Variants in SKA3 observed in about 807,000 individuals in gnomAD.
SKA3 encodes the protein spindle and kinetochore associated complex subunit 3, also known as spindle and kinetochore-associated protein 3.
SKA3 carries 39 observed loss-of-function variants against 44.2 expected under a neutral mutation model. That is an observed-to-expected ratio of 0.88 (90% CI 0.68 to 1.15). The LOEUF (loss-of-function observed/expected upper bound fraction) is 1.15. Among genes scored for constraint, SKA3 ranks in the 50% most tolerant of loss-of-function variants. The pLI, the probability that SKA3 is intolerant of heterozygous loss-of-function variation, is 0.00. For synonymous variants in SKA3, 192 were observed against 172.0 expected, an observed-to-expected ratio of 1.12 and a Z score of -0.91; for missense variants, 511 against 485.8, an observed-to-expected ratio of 1.05 and a Z score of -0.49.
At chr13:21,171,771 G>A (rs1214763567) in intron 3 of SKA3, among the ~76,000 whole-genome samples, 3 of 152,110 alleles carry the variant, frequency 2.0e-5, no homozygotes, top group African/African-American at 7.2e-5. Context: ...ACAAGGTTAA[G>A]TAACTTGACA....
intron 3 of SKA3, among the ~76,000 whole-genome samples, chr13:21,168,614 C>T (rs1870868770): frequency 6.6e-6 from 1 of 152,132 alleles, no homozygotes; most frequent in African/African-American, 2.4e-5. Context: ...GCAGCCTCGA[C>T]CTCCTGGGCT....
chr13:21,173,553 A>G (rs1871208125), intron 1 of SKA3, among the ~76,000 whole-genome samples: 1 of 152,190 alleles, frequency 6.6e-6, no homozygotes, highest in African/African-American at 2.4e-5. Flanking sequence ...CACTGCACCC[A>G]GCCACCTTAC....
Position 21,160,004 on chromosome 13 carries a change from ATGGTCATT to A in SKA3, c.830-25_830-18del. The A allele has an allele frequency of 8.5e-7, 1 of 1,173,812 alleles. No homozygotes were observed. 72.7% of individuals were successfully genotyped at this position (1,173,812 alleles called of 1,614,324 possible). On this transcript the variant is annotated intron_variant, in intron 5 of 8. Transcript: ENST00000314759. ...ATTCGGCATCTAAAAGACACATAAA[ATGGTCATT>A]AAAAAACTATAACTATAGTATGCTT...
rs1000426098 is a variant in SKA3, at chr13:21,173,776, A to C, written c.104-1095T>G. On this transcript the variant is annotated intron_variant, in intron 1 of 8. Coordinates refer to ENST00000314759, the MANE Select transcript of SKA3 (RefSeq NM_145061.6). ...TGTTGAAACACTTTGGATTGTGCCT[A>C]GTTTGGAATTATTATGAATACTCTT... Among the ~76,000 whole-genome samples the C allele has an allele frequency of 7.2e-4, 110 of 152,316 alleles. 1 individual carries two copies. The highest frequency in any genetic ancestry group is 2.1e-3 in the African/African-American group (89 of 41,556).
chr13:21,176,534 A>G lies in SKA3; in HGVS notation c.-57T>C. Reference sequence around the variant, plus strand: ...ACGCAGACCCCACCGCTCAGCTCACAGCCTCCCGCCACTAGTTTGAATCTC... The same window carrying G: ...ACGCAGACCCCACCGCTCAGCTCACGGCCTCCCGCCACTAGTTTGAATCTC... On this transcript the variant is annotated 5_prime_UTR_variant, in exon 1 of 9. Coordinates refer to ENST00000314759, the MANE Select transcript of SKA3 (RefSeq NM_145061.6). The G allele has an allele frequency of 1.0e-6, 1 of 1,001,818 alleles. No individual in the cohort carries two copies. The allele number at this position is 1,001,818 out of a possible 1,614,324, so 62.1% of individuals were successfully genotyped here. A position where few individuals can be genotyped will look rare whatever the true frequency, so the allele number is the denominator to read the frequency against.
intron 4 of SKA3, among the ~76,000 whole-genome samples, chr13:21,167,664 G>A (rs937223946): frequency 2.8e-4 from 42 of 151,824 alleles, no homozygotes; most frequent in African/African-American, 9.9e-4. Context: ...CTACTCGGGA[G>A]GGTGAGGCAG....
In SKA3 at chr13:21,176,514, G is replaced by C; in HGVS notation, c.-37C>G. ...CGGGGAAGGACTCCAGGCGTACGCAGACCCCACCGCTCAGCTCACAGCCTC... is the reference window on the plus strand; with the variant it reads ...CGGGGAAGGACTCCAGGCGTACGCACACCCCACCGCTCAGCTCACAGCCTC... On this transcript the variant is annotated 5_prime_UTR_variant, in exon 1 of 9. Coordinates refer to ENST00000314759, the MANE Select transcript of SKA3 (RefSeq NM_145061.6). 2.1e-6 allele frequency: 3 copies of C among 1,407,504 alleles called. No individual in the cohort carries two copies. Among genetic ancestry groups the C allele is most frequent in the Middle Eastern group, 1.8e-4 (1 of 5,486 alleles). The allele number at this position is 1,407,504 out of a possible 1,614,324, so 87.2% of individuals were successfully genotyped here.
chr13:21,175,162 G>C (rs573853441), intron 1 of SKA3, among the ~76,000 whole-genome samples: 1 of 151,704 alleles, frequency 6.6e-6, no homozygotes, highest in Admixed American at 6.6e-5. Context: ...ATTTTTAGTA[G>C]AGACGAGGTT....
chr13:21,158,967 A>T (rs114561756), intron 6 of SKA3, among the ~76,000 whole-genome samples: 1,968 of 152,286 alleles, frequency 0.013, 45 homozygotes, highest in African/African-American at 0.045. Flanking sequence ...GCAGGTACTA[A>T]CAGGCAGATA....
chr13:21,175,330 T>G (rs1344703028), intron 1 of SKA3, among the ~76,000 whole-genome samples: 1 of 149,464 alleles, frequency 6.7e-6, no homozygotes, highest in Admixed American at 6.7e-5. Context: ...GAGGCTGGAG[T>G]GCAGTGGCGG....
intron 3 of SKA3, 123 bp from the exon 4 acceptor site, chr13:21,168,522 A>G: frequency 1.2e-6 from 1 of 853,834 alleles, no homozygotes; most frequent in Non-Finnish European, 1.8e-6. Context: ...TTGTCTAAAC[A>G]TTTTATTTAT....
In SKA3 at chr13:21,172,611, G is replaced by A; in HGVS notation, c.165+9C>T. 6.4e-7 allele frequency: 1 copy of A among 1,570,308 alleles called. No homozygotes were observed. Among genetic ancestry groups the A allele is most frequent in the Non-Finnish European group, 8.6e-7 (1 of 1,156,306 alleles). On this transcript the variant is annotated intron_variant, in intron 2 of 8. Coordinates refer to ENST00000314759, the MANE Select transcript of SKA3 (RefSeq NM_145061.6). ...GAAAAATAATAAATCAATATTGTAG[G>A]AGTGATACCTTTAGAGTCTGAACTT...
At chr13:21,173,746 T>C (rs1377446404) in intron 1 of SKA3, among the ~76,000 whole-genome samples, 1 of 152,264 alleles carries the variant, frequency 6.6e-6, no homozygotes, top group Admixed American at 6.5e-5. Context: ...ATTTATTTAT[T>C]CTATTGTTGA....
intron 8 of SKA3, 133 bp from the exon 9 acceptor site, chr13:21,155,283 C>T (rs1870048001): frequency 3.0e-6 from 2 of 676,046 alleles, no homozygotes; most frequent in Non-Finnish European, 4.7e-6. Context: ...TATCATTAAA[C>T]TGGATAATTC....
chr13:21,168,038 A>G lies in SKA3; in HGVS notation c.693T>C (p.Cys231=). The part of the protein sequence containing the change: ...EHFGISEYTM[C]LNEDYTMGLK... Reference sequence around the variant, plus strand: ...GTCCCATTGTGTAATCTTCATTTAAACACATAGTATATTCAGAGATACCAA... The same window carrying G: ...GTCCCATTGTGTAATCTTCATTTAAGCACATAGTATATTCAGAGATACCAA... The change falls in exon 4 of 9, where the codon TGT becomes TGC. Residue 231 remains cysteine, a synonymous_variant. Coordinates refer to ENST00000314759, the MANE Select transcript of SKA3 (RefSeq NM_145061.6). 6.2e-7 allele frequency: 1 copy of G among 1,607,322 alleles called. No individual in the cohort carries two copies. Among genetic ancestry groups the G allele is most frequent in the Non-Finnish European group, 8.5e-7 (1 of 1,177,430 alleles).
chr13:21,158,575 C>T (rs148021012), intron 6 of SKA3, among the ~76,000 whole-genome samples: 4,312 of 152,206 alleles, frequency 0.028, 191 homozygotes, highest in African/African-American at 0.093. Context: ...GAGCCAAGAT[C>T]GCGCCACTGC....
chr13:21,168,002 C>A lies in SKA3; in HGVS notation c.729G>T (p.Ala243=). 6.3e-7 allele frequency: 1 copy of A among 1,579,710 alleles called. No individual in the cohort carries two copies. The highest frequency in any genetic ancestry group is 1.2e-5 in the South Asian group (1 of 85,778). ...GAGCTGCTTACCTTTTATTATTCCTCGCATTTTTAAGTCCCATTGTGTAAT... is the reference window on the plus strand; with the variant it reads ...GAGCTGCTTACCTTTTATTATTCCTAGCATTTTTAAGTCCCATTGTGTAAT... ...NEDYTMGLKN[A]RNNKSEEAID... The change falls in exon 4 of 9, where the codon GCG becomes GCT. Residue 243 remains alanine (A), a synonymous_variant. Coordinates refer to ENST00000314759, the MANE Select transcript of SKA3 (RefSeq NM_145061.6).
chr13:21,168,980 TA>T, intron 3 of SKA3, among the ~76,000 whole-genome samples: 1 of 152,310 alleles, frequency 6.6e-6, no homozygotes, highest in African/African-American at 2.4e-5. Context: ...CCAATTTTCT[TA>T]CATCCTTAAT....
chr13:21,159,866 AG>A, intron 6 of SKA3, 35 bp downstream of exon 6: 1 of 1,501,754 alleles, frequency 6.7e-7, no homozygotes, highest in Non-Finnish European at 9.1e-7. Context: ...AGTCTTTAGG[AG>A]AAAGACTGTG....
Sources: allele counts gnomAD v4.1 joint callset (sites outside exome capture counted in the v4.1 genomes callset), GRCh38; gene constraint gnomAD v4.1.1; transcripts MANE v1.5; gene names NCBI Gene and HGNC (gene_info 2026-07-23, HGNC 2026-07-21).